SH3TC1: variants seen among roughly 807,000 people sequenced by gnomAD.
SH3TC1 encodes the protein SH3 domain and tetratricopeptide repeats 1, also known as SH3 domain and tetratricopeptide repeat-containing protein 1.
Under a neutral mutation model 117.3 loss-of-function variants are expected in SH3TC1, and 135 were observed. The observed-to-expected ratio is 1.15, with a 90% CI of 1.00 to 1.33. The LOEUF (loss-of-function observed/expected upper bound fraction) is 1.33. Ranked by LOEUF, SH3TC1 falls within the 40% of genes most tolerant of loss-of-function variation. SH3TC1 has a pLI of 0.00. For synonymous variants in SH3TC1, 898 were observed against 816.9 expected (o/e 1.10, Z -1.69); for missense variants, 2,092 against 1,794.3 (o/e 1.17, Z -3.00).
chr4:8,204,866 A>C, intron 1 of SH3TC1: 1 of 239,290 alleles, frequency 4.2e-6, no homozygotes, highest in Middle Eastern at 1.3e-3. Flanking sequence ...GAGGAGGGGC[A>C]CAAGGCACCC....
chr4:8,195,159 G>A (rs1432850132), upstream of SH3TC1, among the ~76,000 whole-genome samples: 1 of 152,226 alleles, frequency 6.6e-6, no homozygotes, highest in Non-Finnish European at 1.5e-5. Context: ...CCCATGTGAT[G>A]ACAATCCTTG....
rs185490249 is a variant in SH3TC1 at position 8,233,470 on chromosome 4, A to T, written c.3239A>T (p.Tyr1080Phe). The change falls in exon 14 of 18, where the codon TAT becomes TTT. Residue 1080 changes from tyrosine to phenylalanine, a missense_variant. Transcript: ENST00000245105. ...AHAWLQAGKI[Y>F]YILRQSELVD... ...GCCTGGCTGCAAGCAGGGAAGATCT[A>T]TTACATCTTGCGGCAGAGCGAGCTG... is the stretch of plus-strand genomic sequence containing the variant. 3.1e-6 allele frequency: 5 copies of T among 1,613,744 alleles called. No individual in the cohort carries two copies. The Admixed American group carries it at 5.0e-5, about 16-fold the overall frequency.
At position 8,225,907 on chromosome 4, in the gene SH3TC1, C is replaced by CGAAGTCCCTGGAGCATT. The variant is rs2152990658; in HGVS notation, c.1285+706_1285+707insTTGAAGTCCCTGGAGCA. Among the ~76,000 whole-genome samples, 1 of 152,086 alleles carries CGAAGTCCCTGGAGCATT rather than the reference C, an allele frequency of 6.6e-6. No individual in the cohort carries two copies. The highest frequency in any genetic ancestry group is 2.4e-5 in the African/African-American group (1 of 41,468). On this transcript the variant is annotated intron_variant, in intron 11 of 17. Coordinates refer to ENST00000245105, the MANE Select transcript of SH3TC1 (RefSeq NM_018986.5). The surrounding 1 kb of genome is among the most constrained non-coding windows in gnomAD (Gnocchi z 5.5). ...GGGAGGGGGTGGATCCACCCTCTGC[C>CGAAGTCCCTGGAGCATT]GAAGTCCCTGGAGCAAATGCGAGTG...
chr4:8,239,672 G>A (rs1432279612), intron 17 of SH3TC1, among the ~76,000 whole-genome samples: 1 of 152,216 alleles, frequency 6.6e-6, no homozygotes, highest in Non-Finnish European at 1.5e-5. Context: ...GCTCCTTCCT[G>A]TTTAGTTGGG....
At chr4:8,195,070 GAC>G (rs1405272224), upstream of SH3TC1, among the ~76,000 whole-genome samples, 6 of 152,240 alleles carry the variant, frequency 3.9e-5, no homozygotes, top group East Asian at 5.8e-4. Flanking sequence ...GGCATCAGGA[GAC>G]ACTCACCAGC....
At position 8,183,394 on chromosome 4, in the gene SH3TC1, G is replaced by T. The variant is rs757649813; in HGVS notation, c.-57+1184G>T. On this transcript the variant is annotated intron_variant, in intron 1 of 16. Coordinates refer to the SH3TC1 transcript ENST00000508641. This position sits in a 1 kb window ranked among gnomAD's most constrained non-coding sequence, Gnocchi z 5.4. ...TGACCAGAAACCGGCCCTGCCCCAC[G>T]CATCTCTGTGATTAACTCACTCCCT... Among the ~76,000 whole-genome samples the T allele has an allele frequency of 6.6e-6, 1 of 152,140 alleles. No homozygotes were observed. The highest frequency in any genetic ancestry group is 1.5e-5 in the Non-Finnish European group (1 of 68,004).
rs542632113 is a variant in SH3TC1, at chr4:8,186,943, C to CA, written c.-57+4751dup. 0.042 allele frequency among the ~76,000 whole-genome samples: 3,732 copies of CA among 88,054 alleles called. 149 individuals carry two copies. Among genetic ancestry groups the CA allele is most frequent in the African/African-American group, 0.13 (3,108 of 24,328 alleles). 57.8% of individuals were successfully genotyped at this position (88,054 alleles called of 152,430 possible). On this transcript the variant is annotated intron_variant, in intron 1 of 16. Coordinates refer to the SH3TC1 transcript ENST00000508641. The surrounding 1 kb of genome is among the most constrained non-coding windows in gnomAD (Gnocchi z 5.2). ...TGGGTGACAGGGCAAGACTACGTCTCAAAAAAAAAAAAAAAAAAGGACATG... is the reference window on the plus strand; with the variant it reads ...TGGGTGACAGGGCAAGACTACGTCTCAAAAAAAAAAAAAAAAAAAGGACATG...
chr4:8,226,706 C>T (rs1720486465), intron 11 of SH3TC1, among the ~76,000 whole-genome samples: 1 of 152,172 alleles, frequency 6.6e-6, no homozygotes, highest in South Asian at 2.1e-4. Context: ...GTCAGGTGGG[C>T]AACAAAGGAG....
Position 8,227,982 on chromosome 4 carries a change from C to A in SH3TC1, c.2288C>A (p.Ala763Asp), listed in dbSNP as rs375244986. 8 of 1,612,302 alleles carry A rather than the reference C, an allele frequency of 5.0e-6. No homozygotes were observed. In the Admixed American group the frequency reaches 8.3e-5, roughly 17 times the overall value. Residue 763 changes from alanine (A) to aspartate (D), a missense_variant, in exon 12 of 18, where the codon GCC becomes GAC. By Grantham distance (126) the Ala-to-Asp change is moderately radical. Coordinates refer to ENST00000245105, the MANE Select transcript of SH3TC1 (RefSeq NM_018986.5). The stretch of plus-strand genomic sequence containing the variant: ...GCCCCCCAGCCCCACAGCCTCCCTG[C>A]CCAAACTTCCCACTACCTCAGGCAA... Reference protein sequence around the residue: ...QNAPQPHSLPAQTSHYLRQAL... With the variant: ...QNAPQPHSLPDQTSHYLRQAL...
chr4:8,207,741 G>C (rs527371799), intron 2 of SH3TC1, among the ~76,000 whole-genome samples: 3 of 152,240 alleles, frequency 2.0e-5, no homozygotes, highest in Admixed American at 6.5e-5. Context: ...TCACTTAGTG[G>C]GTGCGTCCTC....
intron 1 of SH3TC1, among the ~76,000 whole-genome samples, chr4:8,185,018 C>CT (rs1219950941): frequency 7.0e-4 from 97 of 138,820 alleles, no homozygotes; most frequent in African/African-American, 8.4e-4. Context: ...TAGGTTTGTT[C>CT]TTTTTTTTTT....
chr4:8,228,622 C>A lies in SH3TC1; in HGVS notation c.2928C>A (p.Ala976=). ...KGYYEWALLV[A]VEMGHVESQL... is the part of the protein sequence containing the mutation. ...ACTACGAGTGGGCCCTTCTGGTCGC[C>A]GTGGAGATGGGCCACGTGGAGAGTG... is the stretch of plus-strand genomic sequence containing the variant. Residue 976 remains alanine (A), a synonymous_variant, in exon 12 of 18, where the codon GCC becomes GCA. Transcript: ENST00000245105. The A allele has an allele frequency of 6.6e-7, 1 of 1,518,752 alleles. No homozygotes were observed. The allele number at this position is 1,518,752 out of a possible 1,614,324, so 94.1% of individuals were successfully genotyped here.
chr4:8,205,261 T>G lies in SH3TC1; in HGVS notation c.67T>G (p.Ser23Ala). The G allele has an allele frequency of 6.4e-7, 1 of 1,550,550 alleles. No homozygotes were observed. The highest frequency in any genetic ancestry group is 2.0e-5 in the Admixed American group (1 of 51,080). ...TPMGRGPVGPSGGGSTRDQVR... is the reference protein window; with the variant it reads ...TPMGRGPVGPAGGGSTRDQVR... ...CATGGGGAGGGGTCCTGTGGGACCC[T>G]CAGGAGGTGGCAGCACCCGGGACCA... The change falls in exon 2 of 18, where the codon TCA becomes GCA. Residue 23 changes from serine to alanine, a missense_variant. Transcript: ENST00000245105. This position sits in a 1 kb window ranked among gnomAD's most constrained non-coding sequence, Gnocchi z 5.4.
chr4:8,213,070 AC>A, intron 4 of SH3TC1: 1 of 532,670 alleles, frequency 1.9e-6, no homozygotes, highest in South Asian at 2.6e-5. Context: ...AGCCCCAGCA[AC>A]AGGGGACCTC....
At chr4:8,213,984 G>C (rs1187239984) in intron 4 of SH3TC1, among the ~76,000 whole-genome samples, 1 of 152,122 alleles carries the variant, frequency 6.6e-6, no homozygotes, top group African/African-American at 2.4e-5. Flanking sequence ...CGAGTCGGAA[G>C]AGTTCCAGTG....
At position 8,210,031 on chromosome 4, in the gene SH3TC1, A is replaced by G. The variant is rs764631410; in HGVS notation, c.247+209A>G. On this transcript the variant is annotated intron_variant, in intron 3 of 17. Transcript: ENST00000245105. The surrounding 1 kb of genome is among the most constrained non-coding windows in gnomAD (Gnocchi z 4.1). ...GGGACATGGCCCCTGGGGCTCCCCT[A>G]GGCATCCCTGTGTGCACCTGCACAA... Among the ~76,000 whole-genome samples, 2 of 152,166 alleles carry G rather than the reference A, an allele frequency of 1.3e-5. No homozygotes were observed. The highest frequency in any genetic ancestry group is 2.9e-5 in the Non-Finnish European group (2 of 67,998).
chr4:8,234,193 T>TCCA (rs200949525), intron 14 of SH3TC1, among the ~76,000 whole-genome samples: 1 of 138,734 alleles, frequency 7.2e-6, no homozygotes, highest in African/African-American at 2.6e-5. Flanking sequence ...CATCCATCCA[T>TCCA]TCATCCATCC....
chr4:8,235,927 C>T (rs1352603079), intron 15 of SH3TC1: 3 of 359,198 alleles, frequency 8.4e-6, no homozygotes, highest in Non-Finnish European at 1.0e-5. Flanking sequence ...CACCCCGAAG[C>T]GGGGACGGCT....
At chr4:8,218,380 GA>G (rs1554134698) in intron 8 of SH3TC1, 33 bp downstream of exon 8, 2 of 1,549,858 alleles carry the variant, frequency 1.3e-6, no homozygotes, top group Non-Finnish European at 1.8e-6. Flanking sequence ...CTTTTTTGGG[GA>G]AATGTGTGTG....
Sources: gnomAD v4.1 joint callset for allele counts (sites outside exome capture counted in the v4.1 genomes callset) on GRCh38, gnomAD v4.1.1 for gene constraint, Gnocchi (gnomAD v3.1) non-coding constraint, MANE v1.5 for transcripts, NCBI Gene and HGNC (gene_info 2026-07-23, HGNC 2026-07-21) for gene names.